Variants in ARK2N observed in about 807,000 individuals in gnomAD.
ARK2N encodes the protein protein ARK2N.
the ARK2N span, chr18:46,264,065 C>T: frequency 6.6e-6 from 1 of 152,454 alleles, no homozygotes; most frequent in African/African-American, 2.4e-5. Flanking sequence ...GAGTATGTAG[C>T]AACAACTGTT....
chr18:46,181,145 A>G, the ARK2N span, among the ~76,000 whole-genome samples: 1 of 152,156 alleles, frequency 6.6e-6, no homozygotes, highest in Non-Finnish European at 1.5e-5. Context: ...CTGTAATCCC[A>G]GCTACTTGGG....
At chr18:46,194,325 G>T in the ARK2N span, among the ~76,000 whole-genome samples, 2 of 151,886 alleles carry the variant, frequency 1.3e-5, no homozygotes, top group Admixed American at 1.3e-4. Context: ...AATAGGCCAG[G>T]TGCGGGGGCT....
chr18:46,189,218 A>G, the ARK2N span, among the ~76,000 whole-genome samples: 1 of 25,636 alleles, frequency 3.9e-5, no homozygotes, highest in Non-Finnish European at 2.1e-4. Context: ...GTCTCAAAAA[A>G]AAAAAAAAAA....
the ARK2N span, among the ~76,000 whole-genome samples, chr18:46,188,764 G>A: frequency 6.6e-6 from 1 of 152,180 alleles, no homozygotes; most frequent in African/African-American, 2.4e-5. Flanking sequence ...TATAGTCTCA[G>A]CACTTTGGGA....
At chr18:46,250,002 C>T in the ARK2N span, among the ~76,000 whole-genome samples, 3 of 152,012 alleles carry the variant, frequency 2.0e-5, no homozygotes, top group African/African-American at 7.3e-5. Context: ...CCCCCCTCGC[C>T]CCACCCCATC....
At chr18:46,204,362 C>A in the ARK2N span, among the ~76,000 whole-genome samples, 1 of 151,966 alleles carries the variant, frequency 6.6e-6, no homozygotes, top group Non-Finnish European at 1.5e-5. Flanking sequence ...TTTCTTTTTT[C>A]TTTTTTTGTA....
chr18:46,245,907 G>A, the ARK2N span, among the ~76,000 whole-genome samples: 33 of 151,724 alleles, frequency 2.2e-4, no homozygotes, highest in African/African-American at 7.3e-4. Context: ...ACCCTTTCTT[G>A]TTGAAAAGGT....
At chr18:46,218,617 T>G in the ARK2N span, 1 of 152,230 alleles carries the variant, frequency 6.6e-6, no homozygotes, top group Non-Finnish European at 1.5e-5. Flanking sequence ...TCATTTCAAT[T>G]GTCCATATTG....
the ARK2N span, among the ~76,000 whole-genome samples, chr18:46,249,191 C>T: frequency 6.6e-6 from 1 of 152,026 alleles, no homozygotes; most frequent in Admixed American, 6.6e-5. Context: ...AGGCTCTCAG[C>T]GCTTCCCAGA....
the ARK2N span, among the ~76,000 whole-genome samples, chr18:46,193,908 A>G: frequency 6.6e-6 from 1 of 151,926 alleles, no homozygotes; most frequent in Non-Finnish European, 1.5e-5. Context: ...CCCTAACCTT[A>G]TATTGTAGTG....
chr18:46,247,176 G>GTT, the ARK2N span, among the ~76,000 whole-genome samples: 3 of 148,100 alleles, frequency 2.0e-5, no homozygotes, highest in Non-Finnish European at 3.0e-5. Flanking sequence ...ATGGTACCTT[G>GTT]TTTTTTTTTT....
chr18:46,245,334 G>A, the ARK2N span, among the ~76,000 whole-genome samples: 10 of 151,966 alleles, frequency 6.6e-5, no homozygotes, highest in East Asian at 1.4e-3. Flanking sequence ...TTGGGAGTCC[G>A]AGGTGGGCAG....
the ARK2N span, among the ~76,000 whole-genome samples, chr18:46,189,861 C>T: frequency 6.6e-6 from 1 of 151,766 alleles, no homozygotes; most frequent in Non-Finnish European, 1.5e-5. Context: ...GAGACACTGT[C>T]TCAAAAAAGG....
chr18:46,215,361 T>C, the ARK2N span, among the ~76,000 whole-genome samples: 11 of 152,180 alleles, frequency 7.2e-5, no homozygotes, highest in Admixed American at 2.0e-4. Flanking sequence ...GATGTTTCTC[T>C]ATTGTAACTC....
the ARK2N span, among the ~76,000 whole-genome samples, chr18:46,196,555 C>G: frequency 1.3e-5 from 2 of 152,222 alleles, no homozygotes. Flanking sequence ...ACCACCTTGC[C>G]TGGCCGAGTT....
chr18:46,193,601 T>G, the ARK2N span, among the ~76,000 whole-genome samples: 2 of 140,980 alleles, frequency 1.4e-5, no homozygotes, highest in African/African-American at 5.6e-5. Flanking sequence ...GTTTTTTTTT[T>G]TTTTTTTTTT....
chr18:46,211,849 T>C, the ARK2N span, among the ~76,000 whole-genome samples: 1 of 152,236 alleles, frequency 6.6e-6, no homozygotes, highest in Non-Finnish European at 1.5e-5. Flanking sequence ...TAGCCTTTTA[T>C]GCCATTTATG....
the ARK2N span, among the ~76,000 whole-genome samples, chr18:46,189,619 G>T: frequency 1.3e-5 from 2 of 152,110 alleles, no homozygotes; most frequent in African/African-American, 2.4e-5. Flanking sequence ...AGGTGTGGTG[G>T]CTCATGTCTG....
At chr18:46,207,140 G>A in the ARK2N span, among the ~76,000 whole-genome samples, 1 of 152,094 alleles carries the variant, frequency 6.6e-6, no homozygotes, top group Admixed American at 6.6e-5. Flanking sequence ...AGTCATGTGA[G>A]GAACTCTCCT....
Sources: allele counts gnomAD v4.1 joint callset (sites outside exome capture counted in the v4.1 genomes callset), GRCh38; gene constraint gnomAD v4.1.1; transcripts MANE v1.5; gene names NCBI Gene and HGNC (gene_info 2026-07-23, HGNC 2026-07-21).